The following MSI1 variants were observed in gnomAD, a reference collection of about 807,000 sequenced individuals.
MSI1 encodes the protein musashi RNA binding protein 1, also known as RNA-binding protein Musashi homolog 1.
In MSI1, 15 loss-of-function variants were observed where a neutral mutation model predicts 54.4. That is an observed-to-expected ratio of 0.28 (90% CI 0.18 to 0.42). MSI1 has a LOEUF of 0.42. Ranked by LOEUF, MSI1 falls within the 20% of genes least tolerant of loss-of-function variation. The pLI, the probability that MSI1 is intolerant of heterozygous loss-of-function variation, is 1.00. For synonymous variants in MSI1, 200 were observed against 196.5 expected, an observed-to-expected ratio of 1.02 and a Z score of -0.15; for missense variants, 304 against 506.0, an observed-to-expected ratio of 0.60 and a Z score of 3.83.
chr12:120,356,437 G>A (rs958572256), intron 9 of MSI1, among the ~76,000 whole-genome samples: 3 of 152,060 alleles, frequency 2.0e-5, no homozygotes, highest in Non-Finnish European at 4.4e-5. Flanking sequence ...TCACGGTCAA[G>A]TTCCCTGTGA....
In MSI1 at chr12:120,369,120, AGCGGCGGCGGCG is replaced by A. The variant is rs547256348; in HGVS notation, c.-41_-30del. ...GAGCCGCGGGCGGCGCGGGCAGCGG[AGCGGCGGCGGCG>A]GCGGCGGCGGCGGCGCTCGGCGCGG... is the stretch of plus-strand genomic sequence containing the variant. On this transcript the variant is annotated 5_prime_UTR_variant, in exon 1 of 15. Transcript: ENST00000257552. The A allele has an allele frequency of 7.4e-5, 74 of 1,003,086 alleles. 1 individual carries two copies. Among genetic ancestry groups the A allele is most frequent in the East Asian group, 2.1e-4 (2 of 9,428 alleles). 62.1% of individuals were successfully genotyped at this position (1,003,086 alleles called of 1,614,324 possible).
intron 11 of MSI1, among the ~76,000 whole-genome samples, chr12:120,349,608 T>C (rs1874427553): frequency 6.6e-6 from 1 of 152,240 alleles, no homozygotes; most frequent in African/African-American, 2.4e-5. Context: ...TCTGTGTCAC[T>C]CACTGTTGTG....
intron 9 of MSI1, among the ~76,000 whole-genome samples, chr12:120,355,025 T>A: frequency 1.1e-5 from 1 of 88,536 alleles, no homozygotes. Context: ...AGACCCCGTC[T>A]CTACCAAAAA....
intron 13 of MSI1, 32 bp from the exon 14 acceptor site, chr12:120,345,664 C>T: frequency 3.7e-6 from 6 of 1,613,270 alleles, no homozygotes; most frequent in Non-Finnish European, 5.1e-6. Context: ...TCCTAGATTC[C>T]TGGGAAATAG....
At chr12:120,365,237 C>T (rs1480524976) in intron 4 of MSI1, among the ~76,000 whole-genome samples, 2 of 152,168 alleles carry the variant, frequency 1.3e-5, no homozygotes, top group Non-Finnish European at 2.9e-5. Context: ...CCTAACGTCC[C>T]ACTGCTGGGT....
At chr12:120,357,725 C>G in intron 8 of MSI1, 91 bp downstream of exon 8, 1 of 1,294,632 alleles carries the variant, frequency 7.7e-7, no homozygotes, top group Non-Finnish European at 1.1e-6. Context: ...AATCTGGTCT[C>G]AAACTCCTGA....
intron 4 of MSI1, among the ~76,000 whole-genome samples, chr12:120,367,237 C>A (rs1263528734): frequency 6.6e-6 from 1 of 152,072 alleles, no homozygotes; most frequent in East Asian, 1.9e-4. Flanking sequence ...TCCACACTAT[C>A]CCTGCCCCCA....
chr12:120,369,143 C>T lies in MSI1; in HGVS notation c.-52G>A, dbSNP rs1247230811. 7.0e-6 allele frequency: 7 copies of T among 999,826 alleles called. No homozygotes were observed. The African/African-American group carries it at 8.8e-5, about 13-fold the overall frequency. 61.9% of individuals were successfully genotyped at this position (999,826 alleles called of 1,614,324 possible). A position where few individuals can be genotyped will look rare whatever the true frequency, so the allele number is the denominator to read the frequency against. On this transcript the variant is annotated 5_prime_UTR_variant, in exon 1 of 15. Transcript: ENST00000257552. ...GGAGCGGCGGCGGCGGCGGCGGCGG[C>T]GGCGCTCGGCGCGGGGCAGATGAGG...
chr12:120,353,792 T>C (rs1874842898), intron 9 of MSI1, among the ~76,000 whole-genome samples: 1 of 152,148 alleles, frequency 6.6e-6, no homozygotes, highest in Non-Finnish European at 1.5e-5. Flanking sequence ...CTCAGGGCCT[T>C]TGCACATGCT....
rs964844849 is a variant in MSI1, at chr12:120,342,795, G to C, written c.*332C>G. 1 of 151,056 alleles carries C rather than the reference G, an allele frequency of 6.6e-6. No individual in the cohort carries two copies. Among genetic ancestry groups the C allele is most frequent in the Non-Finnish European group, 1.5e-5 (1 of 67,770 alleles). The allele number at this position is 151,056 out of a possible 1,614,324, so 9.4% of individuals were successfully genotyped here. ...TCCAAAAGCCTTTTGGGGAGGGGGC[G>C]GTCCTAGGGGGGCGCGGCACGGAGG... On this transcript the variant is annotated 3_prime_UTR_variant, in exon 15 of 15. Coordinates refer to ENST00000257552, the MANE Select transcript of MSI1 (RefSeq NM_002442.4).
At chr12:120,350,318 C>T (rs911854162) in intron 11 of MSI1, among the ~76,000 whole-genome samples, 3 of 152,176 alleles carry the variant, frequency 2.0e-5, no homozygotes, top group Non-Finnish European at 2.9e-5. Context: ...TGAACCACCA[C>T]GCCCAGCACA....
intron 6 of MSI1, 132 bp from the exon 7 acceptor site, chr12:120,359,185 G>C (rs372846769): frequency 5.7e-5 from 60 of 1,059,850 alleles, no homozygotes; most frequent in East Asian, 5.5e-4. Flanking sequence ...TCCCTGCACA[G>C]GGGACAACTT....
chr12:120,346,292 G>A lies in MSI1; in HGVS notation c.890C>T (p.Pro297Leu). 6.3e-7 allele frequency: 1 copy of A among 1,578,252 alleles called. No homozygotes were observed. Among genetic ancestry groups the A allele is most frequent in the Non-Finnish European group, 8.6e-7 (1 of 1,163,732 alleles). ...GSHPWTMAPP[P>L]GSTPSRTGGF... ...CCCTGTGCGGCTGGGAGTCGAACCT[G>A]GAGGGGGAGCCATCGTCCAGGGGTG... Residue 297 changes from proline to leucine, a missense_variant, in exon 13 of 15, where the codon CCA becomes CTA. Physicochemically the swap from Pro to Leu is moderately conservative, Grantham distance 98. Transcript: ENST00000257552.
intron 12 of MSI1, 143 bp from the exon 13 acceptor site, chr12:120,346,465 T>G: frequency 3.9e-6 from 3 of 771,166 alleles, no homozygotes; most frequent in Non-Finnish European, 3.9e-6. Flanking sequence ...GATCTCCCCA[T>G]GCCCATCCAC....
chr12:120,353,060 A>G (rs1159141313), intron 10 of MSI1, among the ~76,000 whole-genome samples: 1 of 146,662 alleles, frequency 6.8e-6, no homozygotes, highest in Non-Finnish European at 1.5e-5. Context: ...CAGGCAGAGG[A>G]TGGCCTGGGA....
chr12:120,359,067 C>T lies in MSI1; in HGVS notation c.403-14G>A, dbSNP rs1434820350. 36 of 1,553,638 alleles carry T rather than the reference C, an allele frequency of 2.3e-5. No homozygotes were observed. The highest frequency in any genetic ancestry group is 5.9e-5 in the Admixed American group (3 of 51,036). The stretch of plus-strand genomic sequence containing the variant: ...GGCGTCGTCCACCTGAAACACAGCC[C>T]GCCATGGAGGACCCAGCAGATACCA... On this transcript the variant is annotated splice_polypyrimidine_tract_variant and intron_variant, in intron 6 of 14. Transcript: ENST00000257552.
At chr12:120,366,344 A>T (rs1217376944) in intron 4 of MSI1, among the ~76,000 whole-genome samples, 1 of 152,196 alleles carries the variant, frequency 6.6e-6, no homozygotes, top group East Asian at 1.9e-4. Context: ...TCCAAAATCC[A>T]CACTGGGGCA....
chr12:120,364,010 C>T (rs961518423), intron 5 of MSI1, among the ~76,000 whole-genome samples: 1 of 152,208 alleles, frequency 6.6e-6, no homozygotes, highest in Non-Finnish European at 1.5e-5. Flanking sequence ...TCAGTCTCTC[C>T]TTCTGTCCTC....
rs539904656 is a variant in MSI1 at position 120,361,217 on chromosome 12, TTGAA to T, written c.402+1822_402+1825del. Among the ~76,000 whole-genome samples the T allele has an allele frequency of 5.9e-5, 9 of 152,008 alleles. No homozygotes were observed. The East Asian group carries it at 1.5e-3, about 26-fold the overall frequency. ...ACCTTGACTGGAGGTCAATCATTTT[TTGAA>T]TGAATGAATGAATGAATGAACGAAC... On this transcript the variant is annotated intron_variant, in intron 6 of 14. Transcript: ENST00000257552.
Sources: allele counts gnomAD v4.1 joint callset (sites outside exome capture counted in the v4.1 genomes callset), GRCh38; gene constraint gnomAD v4.1.1; transcripts MANE v1.5; gene names NCBI Gene and HGNC (gene_info 2026-07-23, HGNC 2026-07-21).